The following RAB3B variants were observed in gnomAD, a reference collection of about 807,000 sequenced individuals.
The protein encoded by RAB3B is RAB3B, member RAS oncogene family, also known as ras-related protein Rab-3B.
In RAB3B, 11 loss-of-function variants were observed where a neutral mutation model predicts 20.5. That is an observed-to-expected ratio of 0.54 (90% CI 0.34 to 0.89). The LOEUF (loss-of-function observed/expected upper bound fraction) is 0.89, where lower values mean the gene tolerates loss of function less well. Among genes scored for constraint, RAB3B ranks in the 40% least tolerant of loss-of-function variants. The probability of loss-of-function intolerance (pLI) is 0.02; values close to 1 mark genes in which losing one functional copy is unlikely to be tolerated. For missense variants in RAB3B, 225 were observed against 280.9 expected, an observed-to-expected ratio of 0.80 and a Z score of 1.42; for synonymous variants, 99 against 106.3, an observed-to-expected ratio of 0.93 and a Z score of 0.42.
chr1:51,965,250 GAA>G (rs1444682882), intron 2 of RAB3B, among the ~76,000 whole-genome samples: 2 of 151,194 alleles, frequency 1.3e-5, no homozygotes, highest in Non-Finnish European at 1.5e-5. Flanking sequence ...AAAAAAGAAA[GAA>G]AGAAAGATGT....
intron 2 of RAB3B, among the ~76,000 whole-genome samples, chr1:51,950,740 C>A (rs527978472): frequency 2.0e-5 from 3 of 152,184 alleles, no homozygotes; most frequent in Non-Finnish European, 4.4e-5. Flanking sequence ...GTCTTCAATC[C>A]AGGCAAGATT....
In RAB3B at chr1:51,919,960, G is replaced by C. The variant is rs774637903; in HGVS notation, c.627C>G (p.Thr209=). ...GSSKNTRLSD[T]PPLLQQNCSC is the part of the protein sequence containing the mutation. Reference sequence around the variant, plus strand: ...AGCAGTTCTGCTGCAGCAGCGGTGGGGTGTCCGAGAGACGCGTGTTCTTGG... The same window carrying C: ...AGCAGTTCTGCTGCAGCAGCGGTGGCGTGTCCGAGAGACGCGTGTTCTTGG... Residue 209 remains threonine (T), a synonymous_variant, in exon 5 of 5, where the codon ACC becomes ACG. Transcript: ENST00000371655. 4 of 1,613,956 alleles carry C rather than the reference G, an allele frequency of 2.5e-6. No homozygotes were observed. Among genetic ancestry groups the C allele is most frequent in the African/African-American group, 2.7e-5 (2 of 75,030 alleles).
rs958329774 is a variant in RAB3B, at chr1:51,912,120, CT to C, written c.*7806del. ...TCTTCTTTTTTTTCTTTCTTTCTTT[CT>C]TTTTTTTTTTTTTTTGAGAGGGGGA... On this transcript the variant is annotated 3_prime_UTR_variant, in exon 5 of 5. Transcript: ENST00000371655. 438 of 131,802 alleles carry C rather than the reference CT, an allele frequency of 3.3e-3. 14 individuals carry two copies. The highest frequency in any genetic ancestry group is 7.4e-3 in the East Asian group (34 of 4,608). 8.2% of individuals were successfully genotyped at this position (131,802 alleles called of 1,614,324 possible).
chr1:51,928,870 T>A (rs1684283687), intron 4 of RAB3B, among the ~76,000 whole-genome samples: 2 of 152,210 alleles, frequency 1.3e-5, no homozygotes, highest in Admixed American at 6.5e-5. Context: ...CCTTTTCTCA[T>A]CCTTTTGTTC....
chr1:51,933,829 T>C (rs897513862), intron 3 of RAB3B, among the ~76,000 whole-genome samples: 24 of 152,186 alleles, frequency 1.6e-4, no homozygotes, highest in Non-Finnish European at 2.9e-5. Context: ...CATACCCTCC[T>C]ATGACAAAAA....
intron 2 of RAB3B, among the ~76,000 whole-genome samples, chr1:51,972,888 C>T (rs1426311585): frequency 6.6e-6 from 1 of 152,176 alleles, no homozygotes; most frequent in Non-Finnish European, 1.5e-5. Context: ...TGCTTGCTTG[C>T]TTGCTTCCTT....
chr1:51,980,705 C>CAATT (rs1685074943), intron 1 of RAB3B: 3 of 756,134 alleles, frequency 4.0e-6, no homozygotes, highest in Admixed American at 3.4e-5. Flanking sequence ...GCGAGTTGTG[C>CAATT]AATTCACAGC....
chr1:51,964,889 T>A (rs553483072), intron 2 of RAB3B, among the ~76,000 whole-genome samples: 5 of 152,328 alleles, frequency 3.3e-5, no homozygotes, highest in African/African-American at 1.2e-4. Context: ...CATAATTTAT[T>A]CTTGAAACAG....
At position 51,914,998 on chromosome 1, in the gene RAB3B, T is replaced by C. The variant is rs1049193279; in HGVS notation, c.*4929A>G. ...TTGTGGCTATTTAATTAACTGAGGTTATTTAACTCTAAGAATCCTTGGGAG... is the reference window on the plus strand; with the variant it reads ...TTGTGGCTATTTAATTAACTGAGGTCATTTAACTCTAAGAATCCTTGGGAG... On this transcript the variant is annotated 3_prime_UTR_variant, in exon 5 of 5. Coordinates refer to ENST00000371655, the MANE Select transcript of RAB3B (RefSeq NM_002867.4). The C allele has an allele frequency of 1.3e-4, 20 of 152,194 alleles. No homozygotes were observed. The highest frequency in any genetic ancestry group is 4.8e-4 in the African/African-American group (20 of 41,442). The allele number at this position is 152,194 out of a possible 1,614,324, so 9.4% of individuals were successfully genotyped here.
At chr1:51,984,975 C>T (rs185772953) in intron 1 of RAB3B, among the ~76,000 whole-genome samples, 4 of 152,296 alleles carry the variant, frequency 2.6e-5, no homozygotes, top group African/African-American at 7.2e-5. Flanking sequence ...ACTTAGTACC[C>T]TGCAGTGTTA....
intron 2 of RAB3B, among the ~76,000 whole-genome samples, chr1:51,954,105 G>C (rs915923939): frequency 6.6e-6 from 1 of 152,174 alleles, no homozygotes; most frequent in Admixed American, 6.5e-5. Context: ...ACAATGGGGG[G>C]AAACTGAGCT....
chr1:51,922,195 CTT>C, intron 4 of RAB3B, among the ~76,000 whole-genome samples: 1 of 152,332 alleles, frequency 6.6e-6, no homozygotes, highest in South Asian at 2.1e-4. Context: ...ACTCCCCAGT[CTT>C]TGACTGCCTT....
chr1:51,990,364 C>A lies in RAB3B; in HGVS notation c.-1+188G>T, dbSNP rs1349479675. Among the ~76,000 whole-genome samples, 2 of 147,194 alleles carry A rather than the reference C, an allele frequency of 1.4e-5. 1 individual carries two copies. Among genetic ancestry groups the A allele is most frequent in the South Asian group, 4.5e-4 (2 of 4,484 alleles). The stretch of plus-strand genomic sequence containing the variant: ...CGGCTGCCCCCAACGTCTGGGAGAC[C>A]CCCTCGGCGCCCCCTCCCTAGGTGA... On this transcript the variant is annotated intron_variant, in intron 1 of 4. Transcript: ENST00000371655.
At chr1:51,957,910 C>T (rs1270093923) in intron 2 of RAB3B, among the ~76,000 whole-genome samples, 1 of 152,218 alleles carries the variant, frequency 6.6e-6, no homozygotes, top group East Asian at 1.9e-4. Context: ...GGCAACACAC[C>T]GGTGGGGGAG....
chr1:51,989,852 C>T (rs1190322654), intron 1 of RAB3B, among the ~76,000 whole-genome samples: 3 of 151,278 alleles, frequency 2.0e-5, no homozygotes, highest in Admixed American at 1.3e-4. Context: ...GGTCCCCAGC[C>T]GGGCTCAACC....
chr1:51,975,302 T>G (rs1286259123), intron 2 of RAB3B, among the ~76,000 whole-genome samples: 1 of 152,214 alleles, frequency 6.6e-6, no homozygotes, highest in Non-Finnish European at 1.5e-5. Flanking sequence ...TACTAATTCA[T>G]TTTTGAAAAC....
chr1:51,970,626 G>A (rs576868518), intron 2 of RAB3B, among the ~76,000 whole-genome samples: 3 of 152,180 alleles, frequency 2.0e-5, no homozygotes, highest in African/African-American at 7.2e-5. Context: ...AAATAGGCTG[G>A]AGGAATTTAA....
chr1:51,939,474 CA>C (rs1353072822), intron 2 of RAB3B, among the ~76,000 whole-genome samples: 3 of 152,000 alleles, frequency 2.0e-5, no homozygotes, highest in Non-Finnish European at 4.4e-5. Context: ...AGCTAGAGAG[CA>C]GTGGCACAAT....
At chr1:51,945,771 G>A (rs1684556098) in intron 2 of RAB3B, among the ~76,000 whole-genome samples, 1 of 152,222 alleles carries the variant, frequency 6.6e-6, no homozygotes, top group African/African-American at 2.4e-5. Flanking sequence ...CAGCCAGAGT[G>A]TCAATATAAT....
Sources: gnomAD v4.1 joint callset for allele counts (sites outside exome capture counted in the v4.1 genomes callset) on GRCh38, gnomAD v4.1.1 for gene constraint, MANE v1.5 for transcripts, NCBI Gene and HGNC (gene_info 2026-07-23, HGNC 2026-07-21) for gene names.